Variants in AJAP1 observed in about 807,000 individuals in gnomAD.
AJAP1 encodes the protein adherens junction-associated protein 1.
A neutral mutation model predicts 35.0 loss-of-function variants in AJAP1; 5 were observed. The ratio of observed to expected loss-of-function variants is 0.14; its 90% confidence interval spans 0.07 to 0.30. The LOEUF is 0.30. AJAP1 is among the 10% of genes least tolerant of loss of function. The probability of loss-of-function intolerance (pLI) is 1.00; values close to 1 mark genes in which losing one functional copy is unlikely to be tolerated. For synonymous variants in AJAP1, 284 were observed against 249.3 expected (o/e 1.14, Z -1.31); for missense variants, 586 against 571.0 (o/e 1.03, Z -0.27).
chr1:4,675,072 T>TG (rs952950084), intron 1 of AJAP1, among the ~76,000 whole-genome samples: 17 of 151,960 alleles, frequency 1.1e-4, no homozygotes, highest in African/African-American at 3.6e-4. Flanking sequence ...TGGAGAGCGG[T>TG]GGGGGGGAAA....
Position 4,692,994 on chromosome 1 carries a change from A to AT in AJAP1, c.30-18905dup, listed in dbSNP as rs1553155894. 6.6e-6 allele frequency among the ~76,000 whole-genome samples: 1 copy of AT among 152,220 alleles called. No individual in the cohort carries two copies. The highest frequency in any genetic ancestry group is 1.5e-5 in the Non-Finnish European group (1 of 68,046). ...ATAATTGTATAAAAATAAGCAGTTA[A>AT]TATTTCTATTACAGTGTAATTAATA... On this transcript the variant is annotated intron_variant, in intron 1 of 5. Transcript: ENST00000378191. The surrounding 1 kb of genome is among the most constrained non-coding windows in gnomAD (Gnocchi z 4.4).
At chr1:4,712,836 G>A in intron 2 of AJAP1, 137 bp downstream of exon 2, 1 of 883,106 alleles carries the variant, frequency 1.1e-6, no homozygotes, top group South Asian at 2.6e-5. Flanking sequence ...GTGTCCATGA[G>A]CTTGCACATG....
chr1:4,709,383 G>T (rs1012554784), intron 1 of AJAP1, among the ~76,000 whole-genome samples: 1 of 151,764 alleles, frequency 6.6e-6, no homozygotes, highest in African/African-American at 2.4e-5. Context: ...GTAAGGCCTG[G>T]TGAGCTTGGT....
chr1:4,765,896 G>T (rs1453627955), intron 2 of AJAP1, among the ~76,000 whole-genome samples: 1 of 152,152 alleles, frequency 6.6e-6, no homozygotes, highest in East Asian at 1.9e-4. Context: ...CCATAAACTA[G>T]AGGCTGTGGG....
At chr1:4,750,055 T>G (rs1641287896) in intron 2 of AJAP1, among the ~76,000 whole-genome samples, 1 of 152,128 alleles carries the variant, frequency 6.6e-6, no homozygotes, top group Non-Finnish European at 1.5e-5. Flanking sequence ...TGTGTTTGTA[T>G]CTATATATGC....
At chr1:4,663,781 T>G (rs1159621070) in intron 1 of AJAP1, among the ~76,000 whole-genome samples, 1 of 152,112 alleles carries the variant, frequency 6.6e-6, no homozygotes, top group Admixed American at 6.5e-5. Context: ...TCGAGCTCTG[T>G]GTAGAGAAGG....
chr1:4,666,580 G>A (rs1639125567), intron 1 of AJAP1, among the ~76,000 whole-genome samples: 1 of 139,618 alleles, frequency 7.2e-6, no homozygotes, highest in African/African-American at 2.7e-5. Flanking sequence ...CGGGAGGGGT[G>A]CGGAGAGGGG....
rs1557600440 is a variant in AJAP1, at chr1:4,666,838, CA to C, written c.29+11385del. On this transcript the variant is annotated intron_variant, in intron 1 of 5. Coordinates refer to ENST00000378191, the MANE Select transcript of AJAP1 (RefSeq NM_018836.4). ...GGGCCCATGAATCACGGAGGGGTTGCAGAGAGGAGCCTGTGAATCACAGGAG... is the reference window on the plus strand; with the variant it reads ...GGGCCCATGAATCACGGAGGGGTTGCGAGAGGAGCCTGTGAATCACAGGAG... Among the ~76,000 whole-genome samples, 130 of 117,202 alleles carry C rather than the reference CA, an allele frequency of 1.1e-3. 3 individuals carry two copies. Among genetic ancestry groups the C allele is most frequent in the Admixed American group, 1.1e-3 (13 of 11,894 alleles). The allele number at this position is 117,202 out of a possible 152,430, so 76.9% of individuals were successfully genotyped here. A position where few individuals can be genotyped will look rare whatever the true frequency, so the allele number is the denominator to read the frequency against.
At chr1:4,724,492 A>G (rs538041816) in intron 2 of AJAP1, among the ~76,000 whole-genome samples, 10 of 152,116 alleles carry the variant, frequency 6.6e-5, no homozygotes, top group Admixed American at 3.9e-4. Flanking sequence ...GGCATTTACC[A>G]TGACGTCTCT....
chr1:4,701,871 G>C (rs868703885), intron 1 of AJAP1, among the ~76,000 whole-genome samples: 2 of 152,244 alleles, frequency 1.3e-5, no homozygotes, highest in Middle Eastern at 3.4e-3. Flanking sequence ...CAGGCGCAAG[G>C]TGTGCCCCAT....
At position 4,721,511 on chromosome 1, in the gene AJAP1, C is replaced by G. The variant is rs115300842; in HGVS notation, c.829+8812C>G. Among the ~76,000 whole-genome samples the G allele has an allele frequency of 5.0e-3, 765 of 152,338 alleles. 2 individuals are homozygous for G. The highest frequency in any genetic ancestry group is 0.018 in the African/African-American group (736 of 41,578). ...TGTCCCCACCATGTGATTTCAGAGA[C>G]ACACCCTGTGGTGCGTCCCTGGCCA... On this transcript the variant is annotated intron_variant, in intron 2 of 5. Coordinates refer to ENST00000378191, the MANE Select transcript of AJAP1 (RefSeq NM_018836.4).
chr1:4,712,695 C>G lies in AJAP1; in HGVS notation c.825C>G (p.Ala275=), dbSNP rs751564649. ...AGCCCCCAAGGATTCTGGGGGAGGC[C>G]TCAGGTACAGCCATCTCTCTTCTGG... The part of the protein sequence containing the change: ...VTQPPRILGE[A]SGLAVHQIIT... The change falls in exon 2 of 6, where the codon GCC becomes GCG. Residue 275 remains alanine, a synonymous_variant. Transcript: ENST00000378191. 1 of 1,512,328 alleles carries G rather than the reference C, an allele frequency of 6.6e-7. No individual in the cohort carries two copies. The highest frequency in any genetic ancestry group is 1.3e-5 in the South Asian group (1 of 74,568). The allele number at this position is 1,512,328 out of a possible 1,614,324, so 93.7% of individuals were successfully genotyped here.
At chr1:4,657,750 C>T (rs1190922521) in intron 1 of AJAP1, among the ~76,000 whole-genome samples, 1 of 150,976 alleles carries the variant, frequency 6.6e-6, no homozygotes, top group Non-Finnish European at 1.5e-5. Context: ...TTCTTAGTTC[C>T]GGCCCCAGAG....
intron 1 of AJAP1, among the ~76,000 whole-genome samples, chr1:4,696,781 TTC>T (rs1354891396): frequency 3.7e-4 from 57 of 152,360 alleles, no homozygotes; most frequent in African/African-American, 1.4e-3. Flanking sequence ...TTCAGGCATA[TTC>T]TGTGTGCATG....
At chr1:4,701,787 A>AG (rs1410476083) in intron 1 of AJAP1, among the ~76,000 whole-genome samples, 1 of 152,120 alleles carries the variant, frequency 6.6e-6, no homozygotes, top group East Asian at 1.9e-4. Context: ...TTCTGCAAGG[A>AG]GGGGCCACGT....
chr1:4,724,136 G>A (rs1640591819), intron 2 of AJAP1, among the ~76,000 whole-genome samples: 1 of 152,186 alleles, frequency 6.6e-6, no homozygotes, highest in African/African-American at 2.4e-5. Flanking sequence ...CCCAGGCTGG[G>A]GTGGACAAGG....
intron 1 of AJAP1, among the ~76,000 whole-genome samples, chr1:4,672,034 C>A (rs61483048): frequency 1.3e-5 from 2 of 152,170 alleles, no homozygotes; most frequent in Admixed American, 6.5e-5. Flanking sequence ...TGGGCGCAGT[C>A]GCGTCTGAGA....
At chr1:4,765,600 T>C (rs1641666931) in intron 2 of AJAP1, among the ~76,000 whole-genome samples, 1 of 152,114 alleles carries the variant, frequency 6.6e-6, no homozygotes, top group Non-Finnish European at 1.5e-5. Flanking sequence ...AGATATGGTC[T>C]CTCTCTACAC....
chr1:4,698,743 CT>C (rs1354150437), intron 1 of AJAP1, among the ~76,000 whole-genome samples: 2 of 152,208 alleles, frequency 1.3e-5, no homozygotes, highest in African/African-American at 4.8e-5. Context: ...AGGCCCACCC[CT>C]GGCCATGGCT....
Sources: gnomAD v4.1 joint callset for allele counts (sites outside exome capture counted in the v4.1 genomes callset) on GRCh38, gnomAD v4.1.1 for gene constraint, Gnocchi (gnomAD v3.1) non-coding constraint, MANE v1.5 for transcripts, NCBI Gene and HGNC (gene_info 2026-07-23, HGNC 2026-07-21) for gene names.